NELL1: variants seen among roughly 807,000 people sequenced by gnomAD.
NELL1 encodes protein kinase C-binding protein NELL1.
Under a neutral mutation model 107.4 loss-of-function variants are expected in NELL1, and 76 were observed. That is an observed-to-expected ratio of 0.71 (90% CI 0.59 to 0.86). The LOEUF (loss-of-function observed/expected upper bound fraction) is 0.86. Among genes scored for constraint, NELL1 ranks in the 40% least tolerant of loss-of-function variants. NELL1 has a pLI of 0.00. For missense variants in NELL1, 1,024 were observed against 1,005.5 expected (o/e 1.02, Z -0.25); for synonymous variants, 353 against 341.2 (o/e 1.03, Z -0.38).
chr11:21,500,169 T>C (rs1283959250), intron 15 of NELL1, among the ~76,000 whole-genome samples: 5 of 152,134 alleles, frequency 3.3e-5, no homozygotes, highest in Admixed American at 6.6e-5. Flanking sequence ...AAAAATCTTG[T>C]CTTCCTTTTG....
chr11:20,776,455 TAAATA>T (rs1208124978), intron 2 of NELL1, among the ~76,000 whole-genome samples: 1 of 151,528 alleles, frequency 6.6e-6, no homozygotes, highest in Non-Finnish European at 1.5e-5. Context: ...CTCAAAAAAA[TAAATA>T]AAAATAAAAT....
chr11:21,263,914 G>C (rs920293192), intron 14 of NELL1, among the ~76,000 whole-genome samples: 1 of 151,900 alleles, frequency 6.6e-6, no homozygotes, highest in Non-Finnish European at 1.5e-5. Context: ...TGGAAAAAAA[G>C]CTCTTAAATA....
At chr11:21,054,451 A>G (rs1320218404) in intron 12 of NELL1, among the ~76,000 whole-genome samples, 1 of 151,940 alleles carries the variant, frequency 6.6e-6, no homozygotes, top group African/African-American at 2.4e-5. Context: ...TTCTTACAGT[A>G]CTTGGAATGG....
intron 10 of NELL1, among the ~76,000 whole-genome samples, chr11:20,941,563 A>C (rs2134191419): frequency 1.3e-5 from 2 of 152,268 alleles, no homozygotes; most frequent in Admixed American, 1.3e-4. Flanking sequence ...TTCCCACTGC[A>C]ACATAACGGA....
At chr11:21,008,852 C>T (rs1278238422) in intron 12 of NELL1, among the ~76,000 whole-genome samples, 1 of 151,938 alleles carries the variant, frequency 6.6e-6, no homozygotes, top group Non-Finnish European at 1.5e-5. Flanking sequence ...AGTAATTTAA[C>T]AGGTAAGGGA....
At chr11:21,308,923 A>C (rs1363872834) in intron 14 of NELL1, among the ~76,000 whole-genome samples, 1 of 151,898 alleles carries the variant, frequency 6.6e-6, no homozygotes, top group Non-Finnish European at 1.5e-5. Flanking sequence ...AGAGTTTAGG[A>C]GCAAGAAGGC....
At chr11:20,963,224 A>C (rs1212795992) in intron 12 of NELL1, among the ~76,000 whole-genome samples, 4 of 152,122 alleles carry the variant, frequency 2.6e-5, no homozygotes, top group Non-Finnish European at 5.9e-5. Flanking sequence ...TTTTATGCTC[A>C]AAGAAAGTCC....
chr11:20,990,011 A>T (rs989890088), intron 12 of NELL1, among the ~76,000 whole-genome samples: 5 of 151,640 alleles, frequency 3.3e-5, no homozygotes, highest in Non-Finnish European at 7.4e-5. Flanking sequence ...AAAAAAAAAA[A>T]GAAATTCCAG....
At chr11:20,784,382 A>C (rs1364051064) in intron 3 of NELL1, among the ~76,000 whole-genome samples, 4 of 152,204 alleles carry the variant, frequency 2.6e-5, no homozygotes, top group Admixed American at 6.5e-5. Flanking sequence ...TTGTATAAGG[A>C]AAAAAATGTG....
intron 4 of NELL1, among the ~76,000 whole-genome samples, chr11:20,883,500 A>G (rs556762572): frequency 3.1e-4 from 47 of 152,332 alleles, no homozygotes; most frequent in Non-Finnish European, 5.0e-4. Flanking sequence ...TGACAGAGGC[A>G]AAGTTGTTAA....
chr11:20,816,601 T>A (rs1857628733), intron 3 of NELL1, among the ~76,000 whole-genome samples: 1 of 152,166 alleles, frequency 6.6e-6, no homozygotes, highest in Non-Finnish European at 1.5e-5. Flanking sequence ...AGAATTTAAA[T>A]CCTTCTTTTC....
intron 12 of NELL1, among the ~76,000 whole-genome samples, chr11:21,095,076 A>G (rs1854609163): frequency 6.6e-6 from 1 of 152,198 alleles, no homozygotes. Context: ...CACCTCTTGA[A>G]TGCTTTGCTG....
chr11:21,258,711 G>T (rs1858832052), intron 14 of NELL1, among the ~76,000 whole-genome samples: 1 of 151,886 alleles, frequency 6.6e-6, no homozygotes. Flanking sequence ...GAAACACTCA[G>T]AATAATGTTT....
chr11:20,872,967 A>T (rs1377361511), intron 4 of NELL1, among the ~76,000 whole-genome samples: 1 of 152,186 alleles, frequency 6.6e-6, no homozygotes, highest in Non-Finnish European at 1.5e-5. Flanking sequence ...TGGTTGGATC[A>T]GAAGACCTTC....
intron 3 of NELL1, among the ~76,000 whole-genome samples, chr11:20,822,394 C>T (rs1053380033): frequency 6.6e-6 from 1 of 152,178 alleles, no homozygotes; most frequent in Non-Finnish European, 1.5e-5. Flanking sequence ...CATTTCCTGG[C>T]AGGGCTTGAT....
At chr11:21,199,180 C>T (rs897604811) in intron 13 of NELL1, among the ~76,000 whole-genome samples, 2 of 152,060 alleles carry the variant, frequency 1.3e-5, no homozygotes, top group African/African-American at 4.8e-5. Context: ...TTCTTTTATT[C>T]TTCCTCTTCA....
intron 15 of NELL1, among the ~76,000 whole-genome samples, chr11:21,466,523 A>G (rs143458408): frequency 3.3e-5 from 5 of 152,314 alleles, no homozygotes; most frequent in Admixed American, 2.6e-4. Context: ...CATTGTGCTC[A>G]GTGGAAAGAG....
At chr11:21,206,924 A>G (rs1027174724) in intron 13 of NELL1, among the ~76,000 whole-genome samples, 2 of 152,208 alleles carry the variant, frequency 1.3e-5, no homozygotes, top group African/African-American at 4.8e-5. Context: ...AAGAATCACA[A>G]GCCACTCTCT....
chr11:21,024,687 T>C (rs1359930375), intron 12 of NELL1, among the ~76,000 whole-genome samples: 1 of 152,132 alleles, frequency 6.6e-6, no homozygotes, highest in Non-Finnish European at 1.5e-5. Context: ...AATAAACTTG[T>C]CTAAAACAAG....
Sources: gnomAD v4.1 joint callset for allele counts (sites outside exome capture counted in the v4.1 genomes callset) on GRCh38, gnomAD v4.1.1 for gene constraint, MANE v1.5 for transcripts, NCBI Gene and HGNC (gene_info 2026-07-23, HGNC 2026-07-21) for gene names.